ARHGEF4: variants seen among roughly 807,000 people sequenced by gnomAD.
ARHGEF4 encodes the protein Rho guanine nucleotide exchange factor 4.
Under a neutral mutation model 162.0 loss-of-function variants are expected in ARHGEF4, and 119 were observed. That is an observed-to-expected ratio of 0.73 (90% CI 0.63 to 0.86). The LOEUF (loss-of-function observed/expected upper bound fraction) is 0.86, where lower values mean the gene tolerates loss of function less well. Among genes scored for constraint, ARHGEF4 ranks in the 40% least tolerant of loss-of-function variants. The pLI is 0.00. For synonymous variants in ARHGEF4, 1,014 were observed against 979.9 expected (o/e 1.03, Z -0.65); for missense variants, 2,488 against 2,456.0 (o/e 1.01, Z -0.28).
intron 4 of ARHGEF4, among the ~76,000 whole-genome samples, chr2:130,972,271 G>A (rs1457303202): frequency 2.0e-5 from 3 of 152,102 alleles, no homozygotes; most frequent in Non-Finnish European, 4.4e-5. Context: ...ACTTACAAAT[G>A]TTTCATTTCA....
rs548059319 is a variant in ARHGEF4, at chr2:131,035,393, T to C, written c.4126-3460T>C. 3.5e-4 allele frequency: 280 copies of C among 796,312 alleles called. 3 individuals are homozygous for C. In the African/African-American group the frequency reaches 4.8e-3, roughly 14 times the overall value. The allele number at this position is 796,312 out of a possible 1,614,324, so 49.3% of individuals were successfully genotyped here. On this transcript the variant is annotated intron_variant, in intron 5 of 13. Transcript: ENST00000409359. Reference sequence around the variant, plus strand: ...ACCCCATGTGCTCACTACCAGGGCCTGGTCCGGGGGTGTCGCCGAGCGGGT... The same window carrying C: ...ACCCCATGTGCTCACTACCAGGGCCCGGTCCGGGGGTGTCGCCGAGCGGGT...
At chr2:130,986,704 G>A (rs887236898) in intron 4 of ARHGEF4, among the ~76,000 whole-genome samples, 2 of 152,186 alleles carry the variant, frequency 1.3e-5, no homozygotes, top group East Asian at 1.9e-4. Flanking sequence ...GTCGCCCTAA[G>A]CAAGCAGGAT....
In ARHGEF4 at chr2:130,914,413, A is replaced by G; in HGVS notation, c.467A>G (p.Gln156Arg). The change falls in exon 2 of 14, where the codon CAG becomes CGG. Residue 156 changes from glutamine to arginine, a missense_variant. This residue lies in a region of ARHGEF4 where 81 missense variants were observed against 125.8 expected (regional missense o/e 0.64). Coordinates refer to ENST00000409359, the MANE Select transcript of ARHGEF4 (RefSeq NM_001367493.1). ...GCCTTTGCCACAGTTGCTGGAGAAC[A>G]GGAGGCAGGACACCTCTGGGACTGC... ...WRAFATVAGEQEAGHLWDCAT... is the reference protein window; with the variant it reads ...WRAFATVAGEREAGHLWDCAT... The G allele has an allele frequency of 6.9e-7, 1 of 1,443,232 alleles. No individual in the cohort carries two copies. The highest frequency in any genetic ancestry group is 1.5e-5 in the South Asian group (1 of 67,942). 89.4% of individuals were successfully genotyped at this position (1,443,232 alleles called of 1,614,324 possible). A position where few individuals can be genotyped will look rare whatever the true frequency, so the allele number is the denominator to read the frequency against.
Position 130,916,630 on chromosome 2 carries a change from C to T in ARHGEF4, c.2684C>T (p.Ala895Val). 1 of 1,550,566 alleles carries T rather than the reference C, an allele frequency of 6.4e-7. No individual in the cohort carries two copies. Among genetic ancestry groups the T allele is most frequent in the Non-Finnish European group, 8.7e-7 (1 of 1,146,980 alleles). Residue 895 changes from alanine (A) to valine (V), a missense_variant, in exon 2 of 14, where the codon GCA (alanine) becomes GTA (valine). Ala to Val is a moderately conservative substitution (Grantham distance 64). This residue lies in a region of ARHGEF4 where 1,642 missense variants were observed against 1,481.5 expected (regional missense o/e 1.11). Transcript: ENST00000409359. ...SRGPSSESCN[A>V]KRLKTTEKKL... is the part of the protein sequence containing the mutation. Reference sequence around the variant, plus strand: ...GGGCCTTCCTCTGAGAGCTGCAACGCAAAGAGACTCAAAACAACGGAGAAA... The same window carrying T: ...GGGCCTTCCTCTGAGAGCTGCAACGTAAAGAGACTCAAAACAACGGAGAAA...
At chr2:130,964,531 T>G (rs978651358) in intron 4 of ARHGEF4, among the ~76,000 whole-genome samples, 1 of 152,236 alleles carries the variant, frequency 6.6e-6, no homozygotes, top group Non-Finnish European at 1.5e-5. Context: ...CGCTGTCAAC[T>G]GGGAAACTGA....
At chr2:131,030,980 C>T (rs148678894) in intron 5 of ARHGEF4, among the ~76,000 whole-genome samples, 5 of 152,310 alleles carry the variant, frequency 3.3e-5, no homozygotes, top group Admixed American at 6.5e-5. Flanking sequence ...TGGGGGTTAG[C>T]GTGACTTTAA....
chr2:131,006,394 C>G (rs1688116006), intron 4 of ARHGEF4, among the ~76,000 whole-genome samples: 2 of 152,294 alleles, frequency 1.3e-5, no homozygotes, highest in Admixed American at 1.3e-4. Flanking sequence ...TTTGTTTCAG[C>G]AGCAATAGGA....
chr2:130,838,372 G>A (rs185148562), intron 1 of ARHGEF4, among the ~76,000 whole-genome samples: 1 of 145,848 alleles, frequency 6.9e-6, no homozygotes, highest in Non-Finnish European at 1.5e-5. Context: ...GAGGCCGAGT[G>A]GGGGGGGCGG....
At chr2:131,039,907 C>T (rs1690633951) in intron 6 of ARHGEF4, 109 bp from the exon 7 acceptor site, 4 of 1,471,414 alleles carry the variant, frequency 2.7e-6, no homozygotes, top group Non-Finnish European at 3.6e-6. Flanking sequence ...GCCCTGCGCC[C>T]CGTACACCCT....
rs150814258 is a variant in ARHGEF4, at chr2:130,909,908, A to G, written c.40-4078A>G. Among the ~76,000 whole-genome samples the G allele has an allele frequency of 5.9e-3, 893 of 152,304 alleles. 13 individuals are homozygous for G. The highest frequency in any genetic ancestry group is 0.02 in the African/African-American group (829 of 41,572). ...AAACAATCTTTAGTTGAGTTCACAC[A>G]CACAAAAGAAATTCCCAGGACAAAA... On this transcript the variant is annotated intron_variant, in intron 1 of 13. Coordinates refer to ENST00000409359, the MANE Select transcript of ARHGEF4 (RefSeq NM_001367493.1).
At chr2:131,002,927 T>A (rs1404219204) in intron 4 of ARHGEF4, among the ~76,000 whole-genome samples, 1 of 152,136 alleles carries the variant, frequency 6.6e-6, no homozygotes, top group Non-Finnish European at 1.5e-5. Context: ...AGTAGTCACC[T>A]AAAGGGAACT....
In ARHGEF4 at chr2:130,916,496, C is replaced by T. The variant is rs549607320; in HGVS notation, c.2550C>T (p.His850=). The T allele has an allele frequency of 3.9e-6, 6 of 1,547,676 alleles. No individual in the cohort carries two copies. Among genetic ancestry groups the T allele is most frequent in the Admixed American group, 3.9e-5 (2 of 50,966 alleles). ...GTCGGGACGCACCGCCTCTGCACCA[C>T]GGGGACGCCAGCGCCTGGCCCGAGT... ...AAGRDAPPLH[H]GDASAWPEFV... is the part of the protein sequence containing the mutation. The change falls in exon 2 of 14, where the codon CAC becomes CAT. Residue 850 remains histidine, a synonymous_variant. Transcript: ENST00000409359.
intron 4 of ARHGEF4, among the ~76,000 whole-genome samples, chr2:130,979,227 C>G (rs1463110920): frequency 6.6e-6 from 1 of 152,144 alleles, no homozygotes; most frequent in Non-Finnish European, 1.5e-5. Flanking sequence ...TAAGGCATAT[C>G]AGAATTTTAG....
chr2:130,916,025 A>C lies in ARHGEF4; in HGVS notation c.2079A>C (p.Ala693=). ...TPAGNECELP[A]APIQGAGDGA... ...CCGGTAATGAGTGTGAGTTGCCAGCAGCCCCCATACAGGGAGCTGGCGATG... is the reference window on the plus strand; with the variant it reads ...CCGGTAATGAGTGTGAGTTGCCAGCCGCCCCCATACAGGGAGCTGGCGATG... Residue 693 remains alanine (A), a synonymous_variant, in exon 2 of 14, where the codon GCA becomes GCC. Transcript: ENST00000409359. 2 of 1,550,482 alleles carry C rather than the reference A, an allele frequency of 1.3e-6. No individual in the cohort carries two copies. Among genetic ancestry groups the C allele is most frequent in the South Asian group, 1.2e-5 (1 of 84,050 alleles).
intron 4 of ARHGEF4, among the ~76,000 whole-genome samples, chr2:130,981,664 AAAAAAAAAG>A (rs1405161343): frequency 1.8e-4 from 27 of 152,054 alleles, no homozygotes; most frequent in Admixed American, 7.9e-4. Context: ...TCTCAAAAAA[AAAAAAAAAG>A]AAAAAAAAGA....
chr2:130,850,074 C>T (rs903282155), intron 1 of ARHGEF4, among the ~76,000 whole-genome samples: 4 of 152,202 alleles, frequency 2.6e-5, no homozygotes, highest in Non-Finnish European at 4.4e-5. Flanking sequence ...CAAGCCCTCA[C>T]CCCACCGGGA....
intron 1 of ARHGEF4, among the ~76,000 whole-genome samples, chr2:130,876,826 C>G (rs577356087): frequency 2.6e-5 from 4 of 152,146 alleles, no homozygotes; most frequent in African/African-American, 4.8e-5. Context: ...CTGGATGATC[C>G]CAAAGCCTGT....
chr2:130,929,405 A>G (rs1461671627), intron 2 of ARHGEF4, among the ~76,000 whole-genome samples: 1 of 152,150 alleles, frequency 6.6e-6, no homozygotes, highest in South Asian at 2.1e-4. Context: ...ATGCATATGT[A>G]TACATTTTTA....
At chr2:131,032,841 CTTTT>C (rs1318380034) in intron 5 of ARHGEF4, among the ~76,000 whole-genome samples, 1 of 138,088 alleles carries the variant, frequency 7.2e-6, no homozygotes, top group African/African-American at 3.3e-5. Flanking sequence ...CTTTTCTTTT[CTTTT>C]TTCTTTTTTT....
Sources: allele counts gnomAD v4.1 joint callset (sites outside exome capture counted in the v4.1 genomes callset), GRCh38; gene constraint gnomAD v4.1.1; regional missense constraint gnomAD v4.1.1; transcripts MANE v1.5; gene names NCBI Gene and HGNC (gene_info 2026-07-23, HGNC 2026-07-21).